The following STAU1 variants were observed in gnomAD, a reference collection of about 807,000 sequenced individuals.
STAU1 encodes staufen double-stranded RNA binding protein 1.
Under a neutral mutation model 62.9 loss-of-function variants are expected in STAU1, and 13 were observed. That is an observed-to-expected ratio of 0.21 (90% CI 0.13 to 0.33). The LOEUF (loss-of-function observed/expected upper bound fraction) is 0.33, where lower values mean the gene tolerates loss of function less well. Among genes scored for constraint, STAU1 ranks in the 10% least tolerant of loss-of-function variants. The pLI is 1.00. For missense variants in STAU1, 571 were observed against 712.1 expected, an observed-to-expected ratio of 0.80 and a Z score of 2.25; for synonymous variants, 269 against 265.1, an observed-to-expected ratio of 1.01 and a Z score of -0.14.
chr20:49,128,783 A>C (rs2092689269), intron 6 of STAU1, among the ~76,000 whole-genome samples: 3 of 151,320 alleles, frequency 2.0e-5, no homozygotes, highest in African/African-American at 7.3e-5. Flanking sequence ...CAAAAAAAAA[A>C]AAAAAAAAAA....
chr20:49,171,258 A>T (rs926719446), intron 2 of STAU1, among the ~76,000 whole-genome samples: 4 of 152,216 alleles, frequency 2.6e-5, no homozygotes, highest in Non-Finnish European at 5.9e-5. Context: ...CTTTAAATAC[A>T]CCTAAAATAC....
At chr20:49,210,272 A>AG in the STAU1 span, among the ~76,000 whole-genome samples, 1 of 151,972 alleles carries the variant, frequency 6.6e-6, no homozygotes, top group Non-Finnish European at 1.5e-5. Flanking sequence ...TTCCTGTCAA[A>AG]GGGGTGGACA....
the STAU1 span, among the ~76,000 whole-genome samples, chr20:49,202,207 G>A: frequency 0.37 from 37,359 of 100,630 alleles, 5,893 homozygotes; most frequent in East Asian, 0.56. Context: ...GCGACAGAGC[G>A]AGACTCCATC....
intron 3 of STAU1, among the ~76,000 whole-genome samples, chr20:49,155,749 T>G (rs986614245): frequency 6.6e-6 from 1 of 152,228 alleles, no homozygotes; most frequent in Non-Finnish European, 1.5e-5. Flanking sequence ...ATTCATATAA[T>G]TGCATTTTAA....
At chr20:49,123,910 T>C (rs1198287758) in intron 7 of STAU1, among the ~76,000 whole-genome samples, 1 of 152,216 alleles carries the variant, frequency 6.6e-6, no homozygotes, top group Non-Finnish European at 1.5e-5. Flanking sequence ...GTCAATATAA[T>C]GCTTTGATAG....
At chr20:49,143,379 C>T (rs1296930317) in intron 5 of STAU1, among the ~76,000 whole-genome samples, 1 of 151,968 alleles carries the variant, frequency 6.6e-6, no homozygotes, top group Non-Finnish European at 1.5e-5. Flanking sequence ...ATCACTTGAG[C>T]CCAGGAGTTC....
chr20:49,117,210 T>C lies in STAU1; in HGVS notation c.1548A>G (p.Glu516=), dbSNP rs763568140. 4 of 1,614,086 alleles carry C rather than the reference T, an allele frequency of 2.5e-6. No individual in the cohort carries two copies. Among genetic ancestry groups the C allele is most frequent in the Non-Finnish European group, 3.4e-6 (4 of 1,179,996 alleles). The change falls in exon 12 of 14, where the codon GAA becomes GAG. Residue 516 remains glutamate, a synonymous_variant. Transcript: ENST00000371856. This position sits in a 1 kb window ranked among gnomAD's most constrained non-coding sequence, Gnocchi z 4.6. ...YKDFPKNNKN[E]FVSLINCSSQ... ...AGGAGCAATTGATAAGAGATACAAA[T>C]TCGTTCTTGTTGTTTTTGGGGAAGT...
At chr20:49,204,620 A>G in the STAU1 span, among the ~76,000 whole-genome samples, 203 of 43,640 alleles carry the variant, frequency 4.7e-3, 1 homozygote, top group African/African-American at 0.015. Flanking sequence ...ATATATATAT[A>G]TATGTGTATA....
the STAU1 span, among the ~76,000 whole-genome samples, chr20:49,207,964 G>A: frequency 4.6e-4 from 69 of 150,778 alleles, no homozygotes; most frequent in African/African-American, 1.6e-3. Context: ...CACTGTAACC[G>A]CTGCCTCCCG....
At chr20:49,176,629 G>A (rs1250401316) in intron 1 of STAU1, among the ~76,000 whole-genome samples, 1 of 152,112 alleles carries the variant, frequency 6.6e-6, no homozygotes, top group African/African-American at 2.4e-5. Flanking sequence ...TAACAGCTCA[G>A]GTTCTTTTCA....
intron 3 of STAU1, among the ~76,000 whole-genome samples, chr20:49,155,306 C>T (rs2146277442): frequency 6.6e-6 from 1 of 152,172 alleles, no homozygotes; most frequent in East Asian, 1.9e-4. Context: ...GTCATACTTG[C>T]TACGAAAATG....
intron 2 of STAU1, among the ~76,000 whole-genome samples, chr20:49,167,611 T>C (rs2093543456): frequency 6.6e-6 from 1 of 152,222 alleles, no homozygotes; most frequent in South Asian, 2.1e-4. Flanking sequence ...ATTGAAGATC[T>C]ACATAATGGT....
intron 6 of STAU1, 132 bp from the exon 7 acceptor site, chr20:49,124,719 C>A: frequency 2.3e-6 from 2 of 876,480 alleles, no homozygotes; most frequent in Non-Finnish European, 3.6e-6. Context: ...TGAAAGGAAG[C>A]GGGGATCATT....
At chr20:49,174,100 G>A (rs2093630144) in intron 2 of STAU1, 95 bp downstream of exon 2, 1 of 152,148 alleles carries the variant, frequency 6.6e-6, no homozygotes, top group African/African-American at 2.4e-5. Flanking sequence ...ATTATAGCCA[G>A]AAGTAAAAAT....
chr20:49,123,303 C>A, intron 7 of STAU1, 68 bp from the exon 8 acceptor site: 1 of 1,608,684 alleles, frequency 6.2e-7, no homozygotes, highest in African/African-American at 1.3e-5. Flanking sequence ...ACTCAGAGAT[C>A]AGGATATGAG....
chr20:49,153,198 C>A (rs545448924), intron 4 of STAU1, among the ~76,000 whole-genome samples: 1 of 142,446 alleles, frequency 7.0e-6, no homozygotes, highest in African/African-American at 2.6e-5. Context: ...TGCAGTGAGC[C>A]GAGATCATGC....
At chr20:49,201,426 G>C in the STAU1 span, among the ~76,000 whole-genome samples, 1 of 152,076 alleles carries the variant, frequency 6.6e-6, no homozygotes, top group South Asian at 2.1e-4. Flanking sequence ...ACTCCAGTTG[G>C]TAAATTTGTC....
intron 1 of STAU1, among the ~76,000 whole-genome samples, chr20:49,184,227 C>T (rs1369236788): frequency 6.6e-6 from 1 of 152,054 alleles, no homozygotes; most frequent in African/African-American, 2.4e-5. Context: ...TTGCAGTAAG[C>T]CGAGACTGCA....
At chr20:49,160,325 C>T (rs1229255310) in intron 3 of STAU1, among the ~76,000 whole-genome samples, 1 of 152,118 alleles carries the variant, frequency 6.6e-6, no homozygotes, top group Non-Finnish European at 1.5e-5. Context: ...TTATTCAAGG[C>T]TTGAGGTTTG....
Sources: gnomAD v4.1 joint callset for allele counts (sites outside exome capture counted in the v4.1 genomes callset) on GRCh38, gnomAD v4.1.1 for gene constraint, Gnocchi (gnomAD v3.1) non-coding constraint, MANE v1.5 for transcripts, NCBI Gene and HGNC (gene_info 2026-07-23, HGNC 2026-07-21) for gene names.